Variants in LRRTM4 observed in about 807,000 individuals in gnomAD.
The protein encoded by LRRTM4 is leucine-rich repeat transmembrane neuronal protein 4.
Under a neutral mutation model 47.6 loss-of-function variants are expected in LRRTM4, and 25 were observed. That is an observed-to-expected ratio of 0.53 (90% CI 0.38 to 0.73). The LOEUF (loss-of-function observed/expected upper bound fraction) is 0.73, where lower values mean the gene tolerates loss of function less well. Ranked by LOEUF, LRRTM4 falls within the 30% of genes least tolerant of loss-of-function variation. LRRTM4 has a pLI of 0.00. For synonymous variants in LRRTM4, 311 were observed against 269.5 expected, an observed-to-expected ratio of 1.15 and a Z score of -1.51; for missense variants, 638 against 713.4, an observed-to-expected ratio of 0.89 and a Z score of 1.20.
In LRRTM4 at chr2:77,507,052, T is replaced by A. The variant is rs181674799; in HGVS notation, c.1551+11266A>T. ...TATTACCTCTGCATAGTGGGGCTTG[T>A]TGGTAATTATTTTGATTATTTTTAT... On this transcript the variant is annotated intron_variant, in intron 3 of 3. Transcript: ENST00000409884. Among the ~76,000 whole-genome samples, 9 of 152,156 alleles carry A rather than the reference T, an allele frequency of 5.9e-5. No homozygotes were observed. In the East Asian group the frequency reaches 1.7e-3, roughly 29 times the overall value.
intron 3 of LRRTM4, among the ~76,000 whole-genome samples, chr2:76,998,855 C>T (rs17013535): frequency 0.047 from 7,096 of 150,928 alleles, 359 homozygotes; most frequent in East Asian, 0.14. Flanking sequence ...GGTTATGACT[C>T]ATCCCAAACA....
chr2:77,495,433 G>T (rs1029001318), intron 3 of LRRTM4, among the ~76,000 whole-genome samples: 2 of 151,980 alleles, frequency 1.3e-5, no homozygotes, highest in East Asian at 1.9e-4. Context: ...GTTTTATGCC[G>T]CAAACTTCTG....
intron 3 of LRRTM4, among the ~76,000 whole-genome samples, chr2:76,901,568 T>C (rs541809280): frequency 1.5e-4 from 23 of 152,246 alleles, no homozygotes; most frequent in Admixed American, 4.6e-4. Flanking sequence ...CTCTTAGTAC[T>C]TTTAAGGTAT....
At chr2:76,752,961 G>T (rs1411268844) in intron 3 of LRRTM4, among the ~76,000 whole-genome samples, 3 of 152,128 alleles carry the variant, frequency 2.0e-5, no homozygotes, top group Non-Finnish European at 4.4e-5. Flanking sequence ...CTCATTGACT[G>T]CATTGGAAGC....
chr2:77,360,521 C>T (rs1672160645), intron 3 of LRRTM4, among the ~76,000 whole-genome samples: 1 of 145,266 alleles, frequency 6.9e-6, no homozygotes, highest in Non-Finnish European at 1.5e-5. Flanking sequence ...CGATACGATA[C>T]GATACGATAC....
At chr2:76,967,397 G>A (rs1341638671) in intron 3 of LRRTM4, among the ~76,000 whole-genome samples, 1 of 151,368 alleles carries the variant, frequency 6.6e-6, no homozygotes, top group Non-Finnish European at 1.5e-5. Context: ...GCATAACATT[G>A]GAGTAGATCT....
intron 3 of LRRTM4, among the ~76,000 whole-genome samples, chr2:77,064,212 A>G (rs919085248): frequency 3.9e-5 from 6 of 152,154 alleles, no homozygotes; most frequent in East Asian, 3.8e-4. Context: ...ATTTTATCCA[A>G]TAAGTACTTC....
At chr2:77,401,131 G>A (rs28408416) in intron 3 of LRRTM4, among the ~76,000 whole-genome samples, 4,295 of 152,024 alleles carry the variant, frequency 0.028, 76 homozygotes, top group South Asian at 0.065. Context: ...GTCTAGAAGA[G>A]TTCTCAAAGT....
chr2:76,886,751 G>C (rs1222472568), intron 3 of LRRTM4, among the ~76,000 whole-genome samples: 1 of 151,884 alleles, frequency 6.6e-6, no homozygotes, highest in East Asian at 1.9e-4. Flanking sequence ...AATATTAAAT[G>C]CCTCATAAAA....
chr2:77,315,059 A>G (rs1381987332), intron 3 of LRRTM4, among the ~76,000 whole-genome samples: 2 of 152,214 alleles, frequency 1.3e-5, no homozygotes, highest in Non-Finnish European at 2.9e-5. Flanking sequence ...TCTTGACATT[A>G]TATTTTCAAA....
chr2:77,295,359 T>C (rs1676940172), intron 3 of LRRTM4, among the ~76,000 whole-genome samples: 1 of 152,182 alleles, frequency 6.6e-6, no homozygotes, highest in Non-Finnish European at 1.5e-5. Context: ...TACAAAGTTA[T>C]ATTTTTCCCT....
At chr2:77,229,715 A>G (rs1674912318) in intron 3 of LRRTM4, among the ~76,000 whole-genome samples, 1 of 152,130 alleles carries the variant, frequency 6.6e-6, no homozygotes, top group African/African-American at 2.4e-5. Context: ...AGACTTAGCA[A>G]TAGTAATGTC....
intron 3 of LRRTM4, among the ~76,000 whole-genome samples, chr2:77,346,539 A>T (rs926797617): frequency 6.6e-6 from 1 of 152,206 alleles, no homozygotes; most frequent in Non-Finnish European, 1.5e-5. Flanking sequence ...AGAGACATTC[A>T]TATATTCATA....
intron 3 of LRRTM4, among the ~76,000 whole-genome samples, chr2:77,386,923 G>A (rs540454848): frequency 1.3e-5 from 2 of 152,026 alleles, no homozygotes; most frequent in Admixed American, 6.6e-5. Flanking sequence ...CACATGTTCT[G>A]CAGATGTATC....
At chr2:77,378,983 T>C (rs1672944557) in intron 3 of LRRTM4, among the ~76,000 whole-genome samples, 1 of 152,174 alleles carries the variant, frequency 6.6e-6, no homozygotes, top group South Asian at 2.1e-4. Context: ...ATGTTTTTTG[T>C]TCATTTTGTC....
intron 3 of LRRTM4, among the ~76,000 whole-genome samples, chr2:77,187,109 T>A (rs1673529007): frequency 6.6e-6 from 1 of 152,078 alleles, no homozygotes; most frequent in African/African-American, 2.4e-5. Flanking sequence ...GCACTTTTTC[T>A]ACAACAGGGC....
At chr2:76,915,153 T>A (rs2103791378) in intron 3 of LRRTM4, among the ~76,000 whole-genome samples, 1 of 152,232 alleles carries the variant, frequency 6.6e-6, no homozygotes, top group Middle Eastern at 3.4e-3. Flanking sequence ...GGAATAAGAG[T>A]GAACCCTGGG....
At chr2:76,932,393 G>T (rs1394177597) in intron 3 of LRRTM4, among the ~76,000 whole-genome samples, 1 of 151,934 alleles carries the variant, frequency 6.6e-6, no homozygotes, top group East Asian at 1.9e-4. Context: ...TCTCCAACAT[G>T]TATACATTAT....
intron 3 of LRRTM4, among the ~76,000 whole-genome samples, chr2:76,888,899 T>C (rs1251580115): frequency 2.0e-5 from 3 of 151,888 alleles, no homozygotes; most frequent in Non-Finnish European, 4.4e-5. Context: ...GAGAAAGCTG[T>C]GAGACTAAAT....
Sources: gnomAD v4.1 joint callset for allele counts (sites outside exome capture counted in the v4.1 genomes callset) on GRCh38, gnomAD v4.1.1 for gene constraint, MANE v1.5 for transcripts, NCBI Gene and HGNC (gene_info 2026-07-23, HGNC 2026-07-21) for gene names.